Variants in TMEFF2 observed in about 807,000 individuals in gnomAD.
TMEFF2 encodes the protein tomoregulin-2.
Under a neutral mutation model 53.8 loss-of-function variants are expected in TMEFF2, and 28 were observed. The observed-to-expected ratio is 0.52, with a 90% CI of 0.39 to 0.71. The LOEUF (loss-of-function observed/expected upper bound fraction) is 0.71, where lower values mean the gene tolerates loss of function less well. TMEFF2 is among the 30% of genes least tolerant of loss of function. The probability of loss-of-function intolerance (pLI) is 0.00; values close to 1 mark genes in which losing one functional copy is unlikely to be tolerated. For synonymous variants in TMEFF2, 162 were observed against 166.3 expected (o/e 0.97, Z 0.20); for missense variants, 353 against 455.2 (o/e 0.78, Z 2.04).
chr2:191,964,384 TTCTTTCTTTCTTTC>T (rs1427352985), intron 7 of TMEFF2, among the ~76,000 whole-genome samples: 2,694 of 40,044 alleles, frequency 0.067, 68 homozygotes, highest in East Asian at 0.21. Flanking sequence ...CTTTCTTTCT[TTCTTTCTTTCTTTC>T]TCTTTCTTTC....
chr2:192,109,925 C>T (rs1356511103), intron 4 of TMEFF2, among the ~76,000 whole-genome samples: 1 of 151,912 alleles, frequency 6.6e-6, no homozygotes, highest in Admixed American at 6.6e-5. Context: ...GTGAAGATTC[C>T]ATTGGCATAT....
At chr2:192,125,180 TG>T (rs1232377362) in intron 4 of TMEFF2, among the ~76,000 whole-genome samples, 1 of 152,210 alleles carries the variant, frequency 6.6e-6, no homozygotes, top group African/African-American at 2.4e-5. Flanking sequence ...TGGAATCCAG[TG>T]TGTCCCAAAG....
intron 5 of TMEFF2, among the ~76,000 whole-genome samples, chr2:192,001,778 T>C (rs1686368138): frequency 6.6e-6 from 1 of 152,166 alleles, no homozygotes; most frequent in Non-Finnish European, 1.5e-5. Flanking sequence ...GCCATGATTG[T>C]GAGGCCTCCC....
intron 4 of TMEFF2, among the ~76,000 whole-genome samples, chr2:192,138,520 C>A (rs1215263768): frequency 6.6e-6 from 1 of 152,192 alleles, no homozygotes; most frequent in Non-Finnish European, 1.5e-5. Context: ...ATTCACTTTT[C>A]TAATAAGTAC....
At chr2:192,088,861 C>A (rs1688726738) in intron 4 of TMEFF2, among the ~76,000 whole-genome samples, 1 of 152,124 alleles carries the variant, frequency 6.6e-6, no homozygotes, top group Non-Finnish European at 1.5e-5. Flanking sequence ...TTACAGAAGT[C>A]TTTCTCTTCT....
chr2:192,011,476 A>G (rs182795903), intron 5 of TMEFF2, among the ~76,000 whole-genome samples: 2 of 152,356 alleles, frequency 1.3e-5, no homozygotes, highest in Non-Finnish European at 2.9e-5. Context: ...AACAATTGAT[A>G]TTATTCTTAA....
chr2:192,054,037 T>A (rs1030101807), intron 5 of TMEFF2, among the ~76,000 whole-genome samples: 1 of 152,126 alleles, frequency 6.6e-6, no homozygotes, highest in African/African-American at 2.4e-5. Context: ...ACTTTTGTTC[T>A]TGTCTTGGAA....
chr2:192,076,899 C>A (rs1029355103), intron 4 of TMEFF2, among the ~76,000 whole-genome samples: 1 of 152,136 alleles, frequency 6.6e-6, no homozygotes, highest in Non-Finnish European at 1.5e-5. Flanking sequence ...AGATCAAGCT[C>A]AGGGCTCAGT....
chr2:192,127,538 TCCTCTTTA>T (rs1431036559), intron 4 of TMEFF2, among the ~76,000 whole-genome samples: 2 of 152,192 alleles, frequency 1.3e-5, no homozygotes, highest in Non-Finnish European at 2.9e-5. Flanking sequence ...GGATGAGAAA[TCCTCTTTA>T]TTTTGGGGAA....
intron 7 of TMEFF2, among the ~76,000 whole-genome samples, chr2:191,971,420 A>T (rs1269941623): frequency 2.0e-5 from 3 of 152,220 alleles, no homozygotes; most frequent in South Asian, 2.1e-4. Flanking sequence ...ATAGGGAGCC[A>T]TTTATTTTGA....
intron 4 of TMEFF2, among the ~76,000 whole-genome samples, chr2:192,099,816 A>G (rs1022516297): frequency 6.6e-6 from 1 of 151,502 alleles, no homozygotes; most frequent in African/African-American, 2.4e-5. Flanking sequence ...GTGATGGCAT[A>G]TTTTGGTTCA....
intron 4 of TMEFF2, among the ~76,000 whole-genome samples, chr2:192,156,356 A>G (rs7588789): frequency 0.77 from 116,185 of 151,788 alleles, 45,743 homozygotes; most frequent in Non-Finnish European, 0.87. Context: ...TGAGGCAGAA[A>G]TTGTTTTTAC....
At position 191,949,817 on chromosome 2, in the gene TMEFF2, A is replaced by G; in HGVS notation, c.*494T>C. ...GAAATATTTTATCCTCACTCGATAT[A>G]AAGTAAATTATTTTTTCTCTTTTCC... On this transcript the variant is annotated 3_prime_UTR_variant, in exon 10 of 10. Coordinates refer to ENST00000272771, the MANE Select transcript of TMEFF2 (RefSeq NM_016192.4). The G allele has an allele frequency of 1.0e-6, 1 of 985,464 alleles. No homozygotes were observed. Among genetic ancestry groups the G allele is most frequent in the Non-Finnish European group, 1.2e-6 (1 of 829,928 alleles). The allele number at this position is 985,464 out of a possible 1,614,324, so 61.0% of individuals were successfully genotyped here.
chr2:192,123,146 T>C (rs574075175), intron 4 of TMEFF2, among the ~76,000 whole-genome samples: 28 of 152,288 alleles, frequency 1.8e-4, no homozygotes, highest in African/African-American at 6.7e-4. Flanking sequence ...TGTAGTTCAT[T>C]CTTGATGTGT....
intron 5 of TMEFF2, among the ~76,000 whole-genome samples, chr2:192,007,815 C>T (rs1042940166): frequency 6.6e-6 from 1 of 151,992 alleles, no homozygotes; most frequent in Non-Finnish European, 1.5e-5. Flanking sequence ...GAAGGAAAGC[C>T]CCAGAGTGAG....
At chr2:192,191,348 T>C (rs1427084707) in intron 2 of TMEFF2, among the ~76,000 whole-genome samples, 1 of 152,146 alleles carries the variant, frequency 6.6e-6, no homozygotes, top group Non-Finnish European at 1.5e-5. Flanking sequence ...GTGGTATCTA[T>C]GAAAAAGCTG....
At chr2:192,111,314 C>A (rs532476810) in intron 4 of TMEFF2, among the ~76,000 whole-genome samples, 8 of 152,186 alleles carry the variant, frequency 5.3e-5, no homozygotes, top group African/African-American at 1.9e-4. Flanking sequence ...CACTGAAATC[C>A]AGGTTGAGGT....
intron 7 of TMEFF2, among the ~76,000 whole-genome samples, chr2:191,961,171 G>T (rs1000143478): frequency 1.3e-5 from 2 of 152,138 alleles, no homozygotes; most frequent in Non-Finnish European, 2.9e-5. Flanking sequence ...TTTTGACTGT[G>T]TCTATAATTC....
intron 5 of TMEFF2, chr2:192,043,997 T>A (rs1034036581): frequency 6.6e-6 from 1 of 152,238 alleles, no homozygotes; most frequent in African/African-American, 2.4e-5. Flanking sequence ...GTGGTTTCAT[T>A]GCTCGAGCAA....
Sources: allele counts gnomAD v4.1 joint callset (sites outside exome capture counted in the v4.1 genomes callset), GRCh38; gene constraint gnomAD v4.1.1; transcripts MANE v1.5; gene names NCBI Gene and HGNC (gene_info 2026-07-23, HGNC 2026-07-21).